The following UBE2J2 variants were observed in gnomAD, a reference collection of about 807,000 sequenced individuals.
UBE2J2 encodes ubiquitin conjugating enzyme E2 J2.
A neutral mutation model predicts 28.6 loss-of-function variants in UBE2J2; 5 were observed. The observed-to-expected ratio is 0.17, with a 90% CI of 0.09 to 0.37. The LOEUF (loss-of-function observed/expected upper bound fraction) is 0.37. Ranked by LOEUF, UBE2J2 falls within the 10% of genes least tolerant of loss-of-function variation. UBE2J2 has a pLI of 1.00. For synonymous variants in UBE2J2, 138 were observed against 139.7 expected (o/e 0.99, Z 0.09); for missense variants, 226 against 338.9 (o/e 0.67, Z 2.62).
chr1:1,262,391 C>G (rs1319378582), intron 3 of UBE2J2: 9 of 453,140 alleles, frequency 2.0e-5, no homozygotes, highest in South Asian at 1.4e-4. Flanking sequence ...ACTGGGATTC[C>G]TGGGCCAAAG....
intron 3 of UBE2J2, among the ~76,000 whole-genome samples, chr1:1,260,427 C>T (rs1054028970): frequency 2.2e-4 from 33 of 152,204 alleles, no homozygotes; most frequent in African/African-American, 7.7e-4. Context: ...GGACACCCTG[C>T]TGCCTCACTG....
rs1473769518 is a variant in UBE2J2 at position 1,273,800 on chromosome 1, G to GCAGCGCCGCCGCCGCCGCCT, written c.-155_-136dup. ...CGGGATTGGGCCCACCGAACCCGCC[G>GCAGCGCCGCCGCCGCCGCCT]CAGCGCCGCCGCCGCCGCCTCAGCC... is the stretch of plus-strand genomic sequence containing the variant. On this transcript the variant is annotated 5_prime_UTR_variant, in exon 1 of 7. Transcript: ENST00000349431. 6.8e-6 allele frequency: 1 copy of GCAGCGCCGCCGCCGCCGCCT among 147,068 alleles called. No individual in the cohort carries two copies. The highest frequency in any genetic ancestry group is 1.5e-5 in the Non-Finnish European group (1 of 68,650). The allele number at this position is 147,068 out of a possible 1,614,324, so 9.1% of individuals were successfully genotyped here.
At chr1:1,266,221 G>A (rs1437752832) in intron 2 of UBE2J2, 1 of 1,236,350 alleles carries the variant, frequency 8.1e-7, no homozygotes, top group East Asian at 6.0e-5. Flanking sequence ...CCTCCTCTGT[G>A]AGCCAGAGAA....
intron 5 of UBE2J2, 139 bp downstream of exon 5, chr1:1,256,853 C>G (rs1400730495): frequency 4.7e-6 from 4 of 856,198 alleles, no homozygotes; most frequent in Non-Finnish European, 6.4e-6. Flanking sequence ...CGCCACTGCA[C>G]TCCAGCCTGG....
chr1:1,262,166 T>G, intron 3 of UBE2J2: 2 of 344,718 alleles, frequency 5.8e-6, no homozygotes, highest in Non-Finnish European at 1.2e-5. Context: ...CGACCACTAC[T>G]CACTCGGTGG....
chr1:1,256,299 C>T, intron 5 of UBE2J2, 174 bp from the exon 6 acceptor site: 1 of 556,616 alleles, frequency 1.8e-6, no homozygotes, highest in Non-Finnish European at 3.2e-6. Context: ...CTTAATCTTC[C>T]CCCCATCAAT....
At chr1:1,265,564 C>CGTGTGT (rs112951404) in intron 2 of UBE2J2, among the ~76,000 whole-genome samples, 64 of 143,328 alleles carry the variant, frequency 4.5e-4, no homozygotes, top group African/African-American at 1.4e-3. Context: ...AGTTTTCTCT[C>CGTGTGT]GTGTGTGTGT....
At chr1:1,269,096 G>A (rs1640020544) in intron 1 of UBE2J2, among the ~76,000 whole-genome samples, 1 of 148,788 alleles carries the variant, frequency 6.7e-6, no homozygotes, top group Non-Finnish European at 1.5e-5. Context: ...GGGGCGCGAG[G>A]CACCATGCAA....
At chr1:1,265,158 G>T (rs1035863607) in intron 2 of UBE2J2, among the ~76,000 whole-genome samples, 2 of 152,138 alleles carry the variant, frequency 1.3e-5, no homozygotes, top group Non-Finnish European at 2.9e-5. Context: ...GCCTTGGGGC[G>T]GCTGAGAGAA....
chr1:1,259,930 ATG>A (rs1222933654), intron 3 of UBE2J2, among the ~76,000 whole-genome samples: 2 of 152,182 alleles, frequency 1.3e-5, no homozygotes, highest in Non-Finnish European at 2.9e-5. Flanking sequence ...GCCTCCCTGC[ATG>A]TGTGGCCTCC....
At chr1:1,256,638 T>C (rs1639191763) in intron 5 of UBE2J2, among the ~76,000 whole-genome samples, 1 of 151,772 alleles carries the variant, frequency 6.6e-6, no homozygotes. Flanking sequence ...ATCCCAGCAC[T>C]TTGGGAGGCC....
chr1:1,263,257 T>C (rs1639666075), intron 3 of UBE2J2, 89 bp downstream of exon 3: 1 of 1,216,302 alleles, frequency 8.2e-7, no homozygotes, highest in Admixed American at 1.8e-5. Context: ...GAAAGGCTGC[T>C]GTTTGCAAAT....
At position 1,257,127 on chromosome 1, in the gene UBE2J2, C is replaced by A. The variant is rs1264063656; in HGVS notation, c.279G>T (p.Leu93=). 5 of 1,610,876 alleles carry A rather than the reference C, an allele frequency of 3.1e-6. No individual in the cohort carries two copies. Among genetic ancestry groups the A allele is most frequent in the African/African-American group, 1.3e-5 (1 of 74,910 alleles). ...PNGRFKCNTR[L]CLSITDFHPD... Reference sequence around the variant, plus strand: ...GGTGGAAATCCGTGATAGAAAGACACAGCCTGCAAAACGGGGGCCCCGTCA... The same window carrying A: ...GGTGGAAATCCGTGATAGAAAGACAAAGCCTGCAAAACGGGGGCCCCGTCA... Residue 93 remains leucine, a synonymous_variant, in exon 5 of 7, where the codon CTG becomes CTT. Transcript: ENST00000349431.
chr1:1,267,548 C>G (rs904666828), intron 2 of UBE2J2, among the ~76,000 whole-genome samples: 2 of 152,212 alleles, frequency 1.3e-5, no homozygotes, highest in Non-Finnish European at 2.9e-5. Context: ...CCCTAAGGAC[C>G]CCACACCAGA....
intron 1 of UBE2J2, among the ~76,000 whole-genome samples, chr1:1,270,817 A>G (rs373802458): frequency 3.3e-5 from 5 of 152,024 alleles, no homozygotes; most frequent in African/African-American, 1.2e-4. Flanking sequence ...AGGCAGCCCC[A>G]GCCAGCCCTC....
At chr1:1,267,216 C>A (rs1442616186) in intron 2 of UBE2J2, among the ~76,000 whole-genome samples, 1 of 152,132 alleles carries the variant, frequency 6.6e-6, no homozygotes, top group Non-Finnish European at 1.5e-5. Context: ...TACCAAATTA[C>A]TAGCAGACCT....
At chr1:1,266,788 C>T (rs1056488647) in intron 2 of UBE2J2, among the ~76,000 whole-genome samples, 2 of 152,096 alleles carry the variant, frequency 1.3e-5, no homozygotes, top group Admixed American at 1.3e-4. Flanking sequence ...GATTGTGCCA[C>T]TGCACTCCAG....
chr1:1,255,136 AG>A lies in UBE2J2; in HGVS notation c.*66del. On this transcript the variant is annotated 3_prime_UTR_variant, in exon 7 of 7. Coordinates refer to ENST00000349431, the MANE Select transcript of UBE2J2 (RefSeq NM_058167.3). ...TCTGCCTGTGCTGGGCAGTGTGTCCAGCCTGCCGAGGTCACGCTCTGGTGCG... is the reference window on the plus strand; with the variant it reads ...TCTGCCTGTGCTGGGCAGTGTGTCCACCTGCCGAGGTCACGCTCTGGTGCG... 2 of 1,481,820 alleles carry A rather than the reference AG, an allele frequency of 1.3e-6. No individual in the cohort carries two copies. The highest frequency in any genetic ancestry group is 2.3e-5 in the Admixed American group (1 of 44,226). 91.8% of individuals were successfully genotyped at this position (1,481,820 alleles called of 1,614,324 possible). A position where few individuals can be genotyped will look rare whatever the true frequency, so the allele number is the denominator to read the frequency against.
At chr1:1,263,168 G>T in intron 3 of UBE2J2, 178 bp downstream of exon 3, 1 of 636,594 alleles carries the variant, frequency 1.6e-6, no homozygotes, top group Non-Finnish European at 2.8e-6. Context: ...CATCAGCAGA[G>T]CAAACACTTC....
Sources: gnomAD v4.1 joint callset for allele counts (sites outside exome capture counted in the v4.1 genomes callset) on GRCh38, gnomAD v4.1.1 for gene constraint, MANE v1.5 for transcripts, NCBI Gene and HGNC (gene_info 2026-07-23, HGNC 2026-07-21) for gene names.